CDC42SE2: variants seen among roughly 807,000 people sequenced by gnomAD.
CDC42SE2 encodes the protein CDC42 small effector protein 2.
CDC42SE2 carries 3 observed loss-of-function variants against 11.5 expected under a neutral mutation model. That is an observed-to-expected ratio of 0.26 (90% CI 0.12 to 0.67). The LOEUF (loss-of-function observed/expected upper bound fraction) is 0.67, where lower values mean the gene tolerates loss of function less well. Ranked by LOEUF, CDC42SE2 falls within the 30% of genes least tolerant of loss-of-function variation. CDC42SE2 has a pLI of 0.80. For missense variants in CDC42SE2, 82 were observed against 106.8 expected (o/e 0.77, Z 1.02); for synonymous variants, 33 against 34.8 (o/e 0.95, Z 0.18).
chr5:131,338,423 G>T (rs1758629119), intron 2 of CDC42SE2, among the ~76,000 whole-genome samples: 1 of 152,182 alleles, frequency 6.6e-6, no homozygotes, highest in African/African-American at 2.4e-5. Flanking sequence ...TGGGAATCTA[G>T]GCGGCTAGTG....
At chr5:131,240,528 C>G (rs1032752825), upstream of CDC42SE2, among the ~76,000 whole-genome samples, 1 of 152,248 alleles carries the variant, frequency 6.6e-6, no homozygotes, top group African/African-American at 2.4e-5. Context: ...AACACAAACG[C>G]GTCGGGGTAT....
At chr5:131,265,659 G>A (rs1192889785) in intron 1 of CDC42SE2, among the ~76,000 whole-genome samples, 1 of 152,160 alleles carries the variant, frequency 6.6e-6, no homozygotes, top group Non-Finnish European at 1.5e-5. Context: ...AAGATGGCAG[G>A]TGAACTGCAG....
At chr5:131,233,863 T>C in the CDC42SE2 span, among the ~76,000 whole-genome samples, 1 of 152,206 alleles carries the variant, frequency 6.6e-6, no homozygotes, top group African/African-American at 2.4e-5. Context: ...TCCATACTTT[T>C]TCTGCTTTTA....
rs558933561 is a variant in CDC42SE2 at position 131,322,124 on chromosome 5, A to G, written c.-286+5980A>G. Among the ~76,000 whole-genome samples, 146 of 152,338 alleles carry G rather than the reference A, an allele frequency of 9.6e-4. 2 individuals are homozygous for G. The highest frequency in any genetic ancestry group is 1.4e-3 in the South Asian group (7 of 4,830). On this transcript the variant is annotated intron_variant, in intron 2 of 4. Coordinates refer to ENST00000505065, the MANE Select transcript of CDC42SE2 (RefSeq NM_001375635.1). ...CTCGGGCTCCCAAAGTGCTGGGATTACAGGCATGAGCCACCACGCCTGGCA... is the reference window on the plus strand; with the variant it reads ...CTCGGGCTCCCAAAGTGCTGGGATTGCAGGCATGAGCCACCACGCCTGGCA...
At chr5:131,344,398 A>T (rs1758790109) in intron 2 of CDC42SE2, among the ~76,000 whole-genome samples, 1 of 152,198 alleles carries the variant, frequency 6.6e-6, no homozygotes. Flanking sequence ...AGCCTCGCTC[A>T]CTGCTAGAAC....
chr5:131,388,238 A>G (rs937946937), intron 4 of CDC42SE2, among the ~76,000 whole-genome samples: 2 of 151,926 alleles, frequency 1.3e-5, no homozygotes, highest in African/African-American at 4.8e-5. Context: ...CCGGTGATCC[A>G]CCCACCTCGG....
At chr5:131,260,497 C>A (rs141176552), upstream of CDC42SE2, among the ~76,000 whole-genome samples, 609 of 151,260 alleles carry the variant, frequency 4.0e-3, 5 homozygotes, top group African/African-American at 0.014. Context: ...GTGGTGGGCG[C>A]CTGTAATCCC....
At chr5:131,313,226 C>T (rs865787543) in intron 1 of CDC42SE2, among the ~76,000 whole-genome samples, 100 of 152,090 alleles carry the variant, frequency 6.6e-4, no homozygotes, top group African/African-American at 2.4e-3. Context: ...TCGTGATCTG[C>T]CTGCCTCGGC....
the CDC42SE2 span, among the ~76,000 whole-genome samples, chr5:131,224,203 G>A: frequency 1.3e-5 from 2 of 152,072 alleles, no homozygotes; most frequent in East Asian, 1.9e-4. Flanking sequence ...CCTCTAATCT[G>A]AAAACTCATA....
rs181874737 is a variant in CDC42SE2, at chr5:131,278,143, G to A, written c.-455+13977G>A. 1.3e-3 allele frequency among the ~76,000 whole-genome samples: 195 copies of A among 152,110 alleles called. 1 individual carries two copies. Among genetic ancestry groups the A allele is most frequent in the African/African-American group, 4.5e-3 (186 of 41,474 alleles). On this transcript the variant is annotated intron_variant, in intron 1 of 4. Transcript: ENST00000505065. Reference sequence around the variant, plus strand: ...TGGGATTCCAGGTGTGTGCCACCACGCTAGCCAATTTTTTATTTTTAGTAG... The same window carrying A: ...TGGGATTCCAGGTGTGTGCCACCACACTAGCCAATTTTTTATTTTTAGTAG...
intron 1 of CDC42SE2, chr5:131,253,098 C>T (rs1416552165): frequency 6.6e-6 from 1 of 152,118 alleles, no homozygotes; most frequent in Non-Finnish European, 1.5e-5. Flanking sequence ...GGCTGCAGGA[C>T]CTCTGTCAGA....
chr5:131,394,666 A>G lies in CDC42SE2; in HGVS notation c.*3575A>G, dbSNP rs1750798516. The G allele has an allele frequency of 6.6e-6, 1 of 152,336 alleles. No individual in the cohort carries two copies. The allele number at this position is 152,336 out of a possible 1,614,324, so 9.4% of individuals were successfully genotyped here. A position where few individuals can be genotyped will look rare whatever the true frequency, so the allele number is the denominator to read the frequency against. On this transcript the variant is annotated 3_prime_UTR_variant, in exon 5 of 5. Transcript: ENST00000505065. The stretch of plus-strand genomic sequence containing the variant: ...TTTGATTCAATAAATGTTTTCTTTC[A>G]ATCCTGGTTGGCCTTTCCTTTAAAT...
intron 1 of CDC42SE2, among the ~76,000 whole-genome samples, chr5:131,292,962 A>G (rs1353884949): frequency 6.6e-6 from 1 of 151,556 alleles, no homozygotes; most frequent in African/African-American, 2.4e-5. Context: ...ACAGCAAAAG[A>G]ACATAGTTGT....
At chr5:131,319,708 A>C (rs1758119606) in intron 2 of CDC42SE2, among the ~76,000 whole-genome samples, 1 of 152,240 alleles carries the variant, frequency 6.6e-6, no homozygotes, top group Non-Finnish European at 1.5e-5. Flanking sequence ...TGAATCTAAA[A>C]TTTATAAGGA....
chr5:131,389,672 C>T lies in CDC42SE2; in HGVS notation c.157-1321C>T, dbSNP rs567580951. Among the ~76,000 whole-genome samples the T allele has an allele frequency of 1.2e-3, 176 of 152,318 alleles. 1 individual carries two copies. Among genetic ancestry groups the T allele is most frequent in the African/African-American group, 4.1e-3 (170 of 41,568 alleles). On this transcript the variant is annotated intron_variant, in intron 4 of 4. Transcript: ENST00000505065. Reference sequence around the variant, plus strand: ...AGAATCACCAGTGGAAAGCACCTCACCCTTCATGCCTTATGTTACAGTAGG... The same window carrying T: ...AGAATCACCAGTGGAAAGCACCTCATCCTTCATGCCTTATGTTACAGTAGG...
intron 1 of CDC42SE2, among the ~76,000 whole-genome samples, chr5:131,268,991 C>T (rs757646747): frequency 1.3e-5 from 2 of 151,982 alleles, no homozygotes; most frequent in African/African-American, 2.4e-5. Context: ...CCTCGTGATC[C>T]GCCCACCTTG....
chr5:131,315,206 T>C (rs1386907549), intron 1 of CDC42SE2, among the ~76,000 whole-genome samples: 2 of 152,048 alleles, frequency 1.3e-5, no homozygotes, highest in Non-Finnish European at 2.9e-5. Context: ...TTAAGGCTTA[T>C]AGGTTTATTT....
chr5:131,247,556 C>G (rs917590244), intron 1 of CDC42SE2, among the ~76,000 whole-genome samples: 4 of 151,902 alleles, frequency 2.6e-5, no homozygotes, highest in African/African-American at 9.7e-5. Flanking sequence ...GAGGTGGAAG[C>G]TGCAGTGAGC....
rs1487968979 is a variant in CDC42SE2, at chr5:131,391,833, A to G, written c.*742A>G. The G allele has an allele frequency of 2.6e-5, 4 of 152,276 alleles. No individual in the cohort carries two copies. The East Asian group carries it at 7.5e-4, about 29-fold the overall frequency. 9.4% of individuals were successfully genotyped at this position (152,276 alleles called of 1,614,324 possible). On this transcript the variant is annotated 3_prime_UTR_variant, in exon 5 of 5. Transcript: ENST00000505065. ...AAGTTTTTTTTTGTTTTATAGGGTT[A>G]TTGTGAATTTCTATATTTTCTCTGT...
Sources: allele counts gnomAD v4.1 joint callset (sites outside exome capture counted in the v4.1 genomes callset), GRCh38; gene constraint gnomAD v4.1.1; transcripts MANE v1.5; gene names NCBI Gene and HGNC (gene_info 2026-07-23, HGNC 2026-07-21).